Variants in CBFA2T2 observed in about 807,000 individuals in gnomAD.
The protein encoded by CBFA2T2 is CBFA2/RUNX1 partner transcriptional co-repressor 2.
CBFA2T2 carries 11 observed loss-of-function variants against 62.2 expected under a neutral mutation model. That is an observed-to-expected ratio of 0.18 (90% confidence interval 0.11 to 0.29). CBFA2T2 has a LOEUF of 0.29. Among genes scored for constraint, CBFA2T2 ranks in the 10% least tolerant of loss-of-function variants. The probability of loss-of-function intolerance (pLI) is 1.00; values close to 1 mark genes in which losing one functional copy is unlikely to be tolerated. For synonymous variants in CBFA2T2, 295 were observed against 287.5 expected (o/e 1.03, Z -0.27); for missense variants, 592 against 774.1 (o/e 0.76, Z 2.79).
At chr20:33,606,025 G>C (rs1423365151) in intron 1 of CBFA2T2, among the ~76,000 whole-genome samples, 2 of 151,916 alleles carry the variant, frequency 1.3e-5, no homozygotes, top group Non-Finnish European at 2.9e-5. Context: ...CACCATGTTG[G>C]CCAGGCTGAT....
intron 3 of CBFA2T2, among the ~76,000 whole-genome samples, chr20:33,611,907 T>A (rs149722468): frequency 1.8e-4 from 28 of 152,310 alleles, no homozygotes; most frequent in African/African-American, 6.3e-4. Flanking sequence ...GGATTTTTTT[T>A]AAAACTGCTC....
rs181898443 is a variant in CBFA2T2, at chr20:33,546,952, G to A, written c.34+56651G>A. ...TCAGTGGCTCATGCCTGTAATCCCA[G>A]CATTTTGGGAGGCCGAGGCGGGTGA... On this transcript the variant is annotated intron_variant, in intron 1 of 10. Transcript: ENST00000342704. Among the ~76,000 whole-genome samples, 163 of 152,278 alleles carry A rather than the reference G, an allele frequency of 1.1e-3. 2 individuals carry two copies. The highest frequency in any genetic ancestry group is 1.4e-3 in the Non-Finnish European group (98 of 68,026).
At chr20:33,576,178 G>A (rs2013818478) in intron 1 of CBFA2T2, among the ~76,000 whole-genome samples, 1 of 152,156 alleles carries the variant, frequency 6.6e-6, no homozygotes, top group South Asian at 2.1e-4. Context: ...AGGACTTGGA[G>A]TTAGACCTTA....
At chr20:33,539,896 C>G (rs1476955210) in intron 1 of CBFA2T2, among the ~76,000 whole-genome samples, 2 of 151,714 alleles carry the variant, frequency 1.3e-5, no homozygotes, top group East Asian at 3.9e-4. Context: ...TGCAGTCTTG[C>G]TATATTGGCT....
rs115993704 is a variant in CBFA2T2, at chr20:33,544,318, C to G, written c.34+54017C>G. ...GCCTAGTCTTGCCTCAGGACCTTTACCTAGACAATTCTTTTTTCACCTGTC... is the reference window on the plus strand; with the variant it reads ...GCCTAGTCTTGCCTCAGGACCTTTAGCTAGACAATTCTTTTTTCACCTGTC... On this transcript the variant is annotated intron_variant, in intron 1 of 10. Coordinates refer to ENST00000342704, the MANE Select transcript of CBFA2T2 (RefSeq NM_001032999.3). 7.3e-3 allele frequency among the ~76,000 whole-genome samples: 1,118 copies of G among 152,216 alleles called. 18 individuals are homozygous for G. Among genetic ancestry groups the G allele is most frequent in the African/African-American group, 0.026 (1,080 of 41,530 alleles).
intron 1 of CBFA2T2, among the ~76,000 whole-genome samples, chr20:33,589,507 A>G (rs2014520473): frequency 6.6e-6 from 1 of 152,234 alleles, no homozygotes; most frequent in African/African-American, 2.4e-5. Context: ...GTGTGAGGTC[A>G]TAGTTGTCCA....
chr20:33,507,933 A>C (rs1474377051), intron 1 of CBFA2T2, among the ~76,000 whole-genome samples: 1 of 152,138 alleles, frequency 6.6e-6, no homozygotes, highest in Non-Finnish European at 1.5e-5. Flanking sequence ...GCAAAGCATG[A>C]CCCAAGTGAA....
chr20:33,515,723 C>T lies in CBFA2T2; in HGVS notation c.34+25422C>T, dbSNP rs1294026403. On this transcript the variant is annotated intron_variant, in intron 1 of 10. Transcript: ENST00000342704. ...GGCTGAGACAAGAGAATCACTTGAA[C>T]TCGGGAGGCAGAGGTTGCAGTGAGC... Among the ~76,000 whole-genome samples the T allele has an allele frequency of 6.5e-5, 9 of 138,570 alleles. No homozygotes were observed. The Admixed American group carries it at 7.1e-4, about 11-fold the overall frequency. 90.9% of individuals were successfully genotyped at this position (138,570 alleles called of 152,430 possible). A position where few individuals can be genotyped will look rare whatever the true frequency, so the allele number is the denominator to read the frequency against.
In CBFA2T2 at chr20:33,490,300, G is replaced by A. The variant is rs146271553; in HGVS notation, c.33G>A (p.Gln11=). MVGVPGAAAF[Q]LGPEKRVPAM... The stretch of plus-strand genomic sequence containing the variant: ...GCGTCCCTGGAGCGGCCGCCTTCCA[G>A]CGTAAGTGGGGCGTGAATGCGGGCG... The change falls in exon 1 of 11, where the codon CAG becomes CAA. Residue 11 remains glutamine (Q), a splice_region_variant and synonymous_variant. Transcript: ENST00000342704. The A allele has an allele frequency of 4.2e-4, 542 of 1,280,712 alleles. 3 individuals are homozygous for A. The African/African-American group carries it at 7.4e-3, about 18-fold the overall frequency. The allele number at this position is 1,280,712 out of a possible 1,614,324, so 79.3% of individuals were successfully genotyped here. A position where few individuals can be genotyped will look rare whatever the true frequency, so the allele number is the denominator to read the frequency against.
At chr20:33,575,324 GT>G (rs2013772798) in intron 1 of CBFA2T2, among the ~76,000 whole-genome samples, 1 of 152,150 alleles carries the variant, frequency 6.6e-6, no homozygotes, top group South Asian at 2.1e-4. Flanking sequence ...TTTAAAATTA[GT>G]TTAATATTTT....
chr20:33,582,547 G>A lies in CBFA2T2; in HGVS notation c.35-24409G>A, dbSNP rs188864576. ...TTAGGAATGACAGCACAGGCCGGGC[G>A]CGGTGGCGTACACCTGTAATCCCAG... On this transcript the variant is annotated intron_variant, in intron 1 of 10. Transcript: ENST00000342704. Among the ~76,000 whole-genome samples, 20 of 152,244 alleles carry A rather than the reference G, an allele frequency of 1.3e-4. No homozygotes were observed. The East Asian group carries it at 3.5e-3, about 27-fold the overall frequency.
intron 1 of CBFA2T2, among the ~76,000 whole-genome samples, chr20:33,500,308 G>A (rs2011257565): frequency 6.6e-6 from 1 of 151,918 alleles, no homozygotes; most frequent in African/African-American, 2.4e-5. Context: ...TGCTAGACTA[G>A]GGGTTTTTAG....
chr20:33,586,245 A>T (rs184863425), intron 1 of CBFA2T2, among the ~76,000 whole-genome samples: 2 of 151,922 alleles, frequency 1.3e-5, no homozygotes, highest in Admixed American at 1.3e-4. Context: ...GTGGCACAAT[A>T]TCAGCTCATT....
chr20:33,502,725 C>T (rs1251641539), intron 1 of CBFA2T2, among the ~76,000 whole-genome samples: 1 of 150,554 alleles, frequency 6.6e-6, no homozygotes, highest in African/African-American at 2.4e-5. Context: ...TTCTTACCCT[C>T]TTCTTGGAAT....
intron 1 of CBFA2T2, among the ~76,000 whole-genome samples, chr20:33,603,868 G>C (rs759913369): frequency 6.6e-6 from 1 of 152,186 alleles, no homozygotes; most frequent in Non-Finnish European, 1.5e-5. Context: ...ATAAAGGCAT[G>C]TCATAGCCTT....
chr20:33,562,645 T>A, intron 1 of CBFA2T2: 1 of 985,502 alleles, frequency 1.0e-6, no homozygotes, highest in African/African-American at 1.7e-5. Context: ...TATTTAAGAA[T>A]CTGGATTGTT....
chr20:33,528,248 A>G (rs756109288), intron 1 of CBFA2T2, among the ~76,000 whole-genome samples: 2 of 152,222 alleles, frequency 1.3e-5, no homozygotes, highest in Non-Finnish European at 2.9e-5. Context: ...CAAGTTTCCC[A>G]TGTCTTAAGA....
chr20:33,578,371 T>C (rs143370408), intron 1 of CBFA2T2, among the ~76,000 whole-genome samples: 53 of 152,284 alleles, frequency 3.5e-4, no homozygotes, highest in African/African-American at 1.2e-3. Context: ...GGGCCTAAAG[T>C]TTAATGTGGA....
At chr20:33,531,553 T>C (rs1162380941) in intron 1 of CBFA2T2, among the ~76,000 whole-genome samples, 1 of 152,208 alleles carries the variant, frequency 6.6e-6, no homozygotes, top group Non-Finnish European at 1.5e-5. Flanking sequence ...TTCCTAATAA[T>C]TTCTGTGGTC....
Sources: gnomAD v4.1 joint callset for allele counts (sites outside exome capture counted in the v4.1 genomes callset) on GRCh38, gnomAD v4.1.1 for gene constraint, MANE v1.5 for transcripts, NCBI Gene and HGNC (gene_info 2026-07-23, HGNC 2026-07-21) for gene names.